Variants in ADCY1 observed in about 807,000 individuals in gnomAD.
ADCY1 encodes the protein adenylate cyclase 1, also known as adenylate cyclase type 1.
ADCY1 carries 28 observed loss-of-function variants against 105.4 expected under a neutral mutation model. The ratio of observed to expected loss-of-function variants is 0.27; its 90% CI spans 0.20 to 0.36. The LOEUF (loss-of-function observed/expected upper bound fraction) is 0.36, where lower values mean the gene tolerates loss of function less well. ADCY1 is among the 10% of genes least tolerant of loss of function. The probability of loss-of-function intolerance (pLI) is 1.00; values close to 1 mark genes in which losing one functional copy is unlikely to be tolerated. For missense variants in ADCY1, 977 were observed against 1,434.2 expected, an observed-to-expected ratio of 0.68 and a Z score of 5.15; for synonymous variants, 655 against 623.8, an observed-to-expected ratio of 1.05 and a Z score of -0.75.
chr7:45,614,000 A>G (rs1793662438), intron 3 of ADCY1, among the ~76,000 whole-genome samples: 1 of 152,216 alleles, frequency 6.6e-6, no homozygotes, highest in African/African-American at 2.4e-5. Flanking sequence ...CCTGCCTTAC[A>G]AGCAAGGCAA....
rs1030275977 is a variant in ADCY1, at chr7:45,574,999, CGCT to C, written c.458_460del (p.Ala153del). ...GCCCCGCCCGGGGTTCCGCCGGGGC[CGCT>C]GGGGGGCCAGCGACCGCCGAACAAG... On this transcript the variant is annotated inframe_deletion, in exon 1 of 20. Transcript: ENST00000297323. The surrounding 1 kb of genome is among the most constrained non-coding windows in gnomAD (Gnocchi z 7.0). 6.2e-7 allele frequency: 1 copy of C among 1,611,062 alleles called. No individual in the cohort carries two copies. The highest frequency in any genetic ancestry group is 8.5e-7 in the Non-Finnish European group (1 of 1,179,058).
chr7:45,584,886 G>A (rs1286352464), intron 1 of ADCY1, among the ~76,000 whole-genome samples: 1 of 152,262 alleles, frequency 6.6e-6, no homozygotes, highest in Non-Finnish European at 1.5e-5. Context: ...GTCTGCTTAG[G>A]AGTATGGTGG....
At chr7:45,707,200 T>C (rs1413931286) in intron 17 of ADCY1, among the ~76,000 whole-genome samples, 1 of 152,220 alleles carries the variant, frequency 6.6e-6, no homozygotes, top group Non-Finnish European at 1.5e-5. Flanking sequence ...AATTGCACTT[T>C]TGGTATATAT....
At chr7:45,697,183 A>G (rs1473348830) in intron 14 of ADCY1, among the ~76,000 whole-genome samples, 1 of 152,150 alleles carries the variant, frequency 6.6e-6, no homozygotes, top group Non-Finnish European at 1.5e-5. Flanking sequence ...AAGCTAGGAA[A>G]GAGGACTCTC....
Position 45,657,863 on chromosome 7 carries a change from A to C in ADCY1, c.1285A>C (p.Met429Leu). ...WSNDVTLANV[M>L]EAAGLPGKVH... is the part of the protein sequence containing the mutation. ...CAATGATGTGACCTTGGCCAATGTC[A>C]TGGAAGCCGCTGGCCTGCCAGGGTA... Residue 429 changes from methionine to leucine, a missense_variant, in exon 6 of 20, where the codon ATG (methionine) becomes CTG (leucine). Physicochemically the swap from Met to Leu is conservative, Grantham distance 15. This residue lies in a region of ADCY1 where 66 missense variants were observed against 127.2 expected (regional missense o/e 0.52). Coordinates refer to ENST00000297323, the MANE Select transcript of ADCY1 (RefSeq NM_021116.4). 7.4e-7 allele frequency: 1 copy of C among 1,349,970 alleles called. No individual in the cohort carries two copies. The highest frequency in any genetic ancestry group is 9.8e-7 in the Non-Finnish European group (1 of 1,016,488). 83.6% of individuals were successfully genotyped at this position (1,349,970 alleles called of 1,614,324 possible).
At position 45,590,840 on chromosome 7, in the gene ADCY1, G is replaced by T. The variant is rs1049548240; in HGVS notation, c.640-1919G>T. 3.3e-5 allele frequency among the ~76,000 whole-genome samples: 5 copies of T among 152,282 alleles called. No individual in the cohort carries two copies. In the South Asian group the frequency reaches 8.3e-4, roughly 25 times the overall value. On this transcript the variant is annotated intron_variant, in intron 1 of 19. Transcript: ENST00000297323. ...CAGAGGGTGTGGTCAGGGTGGTGCT[G>T]TCCAGCAGGGGCAACCTCCTGCCTG...
intron 4 of ADCY1, among the ~76,000 whole-genome samples, chr7:45,637,139 G>A (rs555728735): frequency 6.6e-6 from 1 of 152,184 alleles, no homozygotes; most frequent in East Asian, 1.9e-4. Context: ...GTTTATAATA[G>A]GTATTTTAAC....
At chr7:45,586,776 G>T (rs1489798095) in intron 1 of ADCY1, among the ~76,000 whole-genome samples, 1 of 152,254 alleles carries the variant, frequency 6.6e-6, no homozygotes, top group Non-Finnish European at 1.5e-5. Context: ...ACACCTGGGA[G>T]GTGGCAGGCT....
In ADCY1 at chr7:45,575,242, G is replaced by A. The variant is rs1792299757; in HGVS notation, c.639+60G>A. 1 of 1,511,690 alleles carries A rather than the reference G, an allele frequency of 6.6e-7. No homozygotes were observed. The highest frequency in any genetic ancestry group is 1.4e-5 in the African/African-American group (1 of 71,646). The allele number at this position is 1,511,690 out of a possible 1,614,324, so 93.6% of individuals were successfully genotyped here. ...GACACACTTGCTGGGACGATGCTGGGAATGCCCGGAGTCGGGCGCGCTTTT... is the reference window on the plus strand; with the variant it reads ...GACACACTTGCTGGGACGATGCTGGAAATGCCCGGAGTCGGGCGCGCTTTT... On this transcript the variant is annotated intron_variant, in intron 1 of 19. Transcript: ENST00000297323. The surrounding 1 kb of genome is among the most constrained non-coding windows in gnomAD (Gnocchi z 4.7).
At chr7:45,690,362 TG>T (rs1434048342) in intron 14 of ADCY1, among the ~76,000 whole-genome samples, 1 of 152,024 alleles carries the variant, frequency 6.6e-6, no homozygotes, top group African/African-American at 2.4e-5. Context: ...GTGTGGCACT[TG>T]GGGCAGCCAC....
intron 8 of ADCY1, among the ~76,000 whole-genome samples, chr7:45,671,366 CT>C (rs1345981499): frequency 6.6e-6 from 1 of 152,180 alleles, no homozygotes; most frequent in Non-Finnish European, 1.5e-5. Context: ...CAGTATTTAA[CT>C]TTTACAAATA....
intron 4 of ADCY1, among the ~76,000 whole-genome samples, chr7:45,633,085 T>G (rs1314870360): frequency 6.6e-6 from 1 of 152,042 alleles, no homozygotes; most frequent in African/African-American, 2.4e-5. Flanking sequence ...GCCTGGCTAA[T>G]TTTTGTATTT....
chr7:45,672,912 T>C (rs1784391767), intron 8 of ADCY1, among the ~76,000 whole-genome samples: 1 of 152,192 alleles, frequency 6.6e-6, no homozygotes, highest in Non-Finnish European at 1.5e-5. Context: ...TGTTCAGTCT[T>C]TCACGATTAA....
chr7:45,712,910 A>G (rs2471270), intron 19 of ADCY1, among the ~76,000 whole-genome samples: 54,562 of 151,914 alleles, frequency 0.36, 11,057 homozygotes, highest in South Asian at 0.63. Flanking sequence ...CTGTCAAGAA[A>G]TGTCTCTGTT....
rs769702658 is a variant in ADCY1, at chr7:45,657,826, C to T, written c.1248C>T (p.Tyr416=). The T allele has an allele frequency of 9.3e-6, 15 of 1,608,608 alleles. No homozygotes were observed. Among genetic ancestry groups the T allele is most frequent in the Admixed American group, 3.4e-5 (2 of 59,656 alleles). The change falls in exon 6 of 20, where the codon TAC becomes TAT. Residue 416 remains tyrosine, a synonymous_variant. Transcript: ENST00000297323. ...CGVLGLRKWQ[Y]DVWSNDVTLA... ...TCCTGGGCTTGCGCAAGTGGCAGTA[C>T]GACGTGTGGTCCAATGATGTGACCT...
At chr7:45,683,283 A>G (rs1044924484) in intron 11 of ADCY1, among the ~76,000 whole-genome samples, 1 of 151,728 alleles carries the variant, frequency 6.6e-6, no homozygotes, top group Non-Finnish European at 1.5e-5. Flanking sequence ...GTCTTTCCCA[A>G]CTCCCTGAAC....
chr7:45,591,666 G>T lies in ADCY1; in HGVS notation c.640-1093G>T, dbSNP rs1006547327. Among the ~76,000 whole-genome samples, 2 of 152,246 alleles carry T rather than the reference G, an allele frequency of 1.3e-5. No homozygotes were observed. The highest frequency in any genetic ancestry group is 2.4e-5 in the African/African-American group (1 of 41,454). On this transcript the variant is annotated intron_variant, in intron 1 of 19. Coordinates refer to ENST00000297323, the MANE Select transcript of ADCY1 (RefSeq NM_021116.4). The surrounding 1 kb of genome is among the most constrained non-coding windows in gnomAD (Gnocchi z 4.1). ...CTGCAGCCCCTCTTCAGGGCCTCTG[G>T]CAGGACATGCCATGGCCCTGCATGG...
rs141307944 is a variant in ADCY1, at chr7:45,628,364, C to T, written c.1020+5621C>T. On this transcript the variant is annotated intron_variant, in intron 4 of 19. Transcript: ENST00000297323. ...GGTTTCCGCCATCCATCTCCATGCTCCTGCCCATGCTCTAGCCCCTCCAGA... is the reference window on the plus strand; with the variant it reads ...GGTTTCCGCCATCCATCTCCATGCTTCTGCCCATGCTCTAGCCCCTCCAGA... 1.3e-3 allele frequency among the ~76,000 whole-genome samples: 202 copies of T among 152,342 alleles called. 1 individual carries two copies. Among genetic ancestry groups the T allele is most frequent in the African/African-American group, 4.7e-3 (197 of 41,580 alleles).
rs1470466918 is a variant in ADCY1, at chr7:45,648,731, C to T, written c.1082C>T (p.Thr361Ile). 2.5e-6 allele frequency: 4 copies of T among 1,614,070 alleles called. No individual in the cohort carries two copies. In the Admixed American group the frequency reaches 6.7e-5, roughly 27 times the overall value. ...GDCYYCVSGL[T>I]QPKTDHAHCC... ...TGCTACTACTGCGTGTCGGGCCTCA[C>T]CCAGCCCAAGACTGACCATGCCCAC... Residue 361 changes from threonine (T) to isoleucine (I), a missense_variant, in exon 5 of 20, where the codon ACC becomes ATC. Around this residue, in one of 7 missense-constraint regions of ADCY1, gnomAD observed 196 missense variants for 347.8 expected, o/e 0.56. Coordinates refer to ENST00000297323, the MANE Select transcript of ADCY1 (RefSeq NM_021116.4).
Sources: allele counts gnomAD v4.1 joint callset (sites outside exome capture counted in the v4.1 genomes callset), GRCh38; gene constraint gnomAD v4.1.1; regional missense constraint gnomAD v4.1.1; non-coding constraint Gnocchi (gnomAD v3.1); transcripts MANE v1.5; gene names NCBI Gene and HGNC (gene_info 2026-07-23, HGNC 2026-07-21).